Variants in PARP4 observed in about 807,000 individuals in gnomAD.
PARP4 encodes the protein poly(ADP-ribose) polymerase family member 4, also known as protein mono-ADP-ribosyltransferase PARP4.
In PARP4, 120 loss-of-function variants were observed where a neutral mutation model predicts 187.7. That is an observed-to-expected ratio of 0.64 (90% CI 0.55 to 0.74). The LOEUF (loss-of-function observed/expected upper bound fraction) is 0.74, where lower values mean the gene tolerates loss of function less well. Ranked by LOEUF, PARP4 falls within the 30% of genes least tolerant of loss-of-function variation. The pLI is 0.00. For missense variants in PARP4, 1,836 were observed against 2,070.5 expected (o/e 0.89, Z 2.20); for synonymous variants, 654 against 740.9 (o/e 0.88, Z 1.90).
At chr13:24,500,592 CAGG>C (rs1869220132) in intron 3 of PARP4, among the ~76,000 whole-genome samples, 1 of 152,156 alleles carries the variant, frequency 6.6e-6, no homozygotes, top group Admixed American at 6.5e-5. Flanking sequence ...ATAAGCATAT[CAGG>C]AGGATTCTCA....
At chr13:24,475,004 G>A (rs1194790179) in intron 15 of PARP4, among the ~76,000 whole-genome samples, 11 of 152,082 alleles carry the variant, frequency 7.2e-5, no homozygotes, top group African/African-American at 2.4e-4. Flanking sequence ...TGATGTTCCC[G>A]CTGCCTGGAA....
intron 1 of PARP4, among the ~76,000 whole-genome samples, chr13:24,507,529 AC>A (rs922765905): frequency 4.6e-5 from 7 of 151,750 alleles, no homozygotes; most frequent in African/African-American, 1.7e-4. Context: ...GACTCCCTGC[AC>A]CCCCATCTCC....
chr13:24,451,744 C>T (rs998228229), intron 24 of PARP4, among the ~76,000 whole-genome samples: 5 of 152,202 alleles, frequency 3.3e-5, no homozygotes, highest in African/African-American at 4.8e-5. Context: ...CACCAAGTGG[C>T]CCCCTCTGTT....
At chr13:24,449,040 T>G (rs550298469) in intron 25 of PARP4, among the ~76,000 whole-genome samples, 1 of 152,314 alleles carries the variant, frequency 6.6e-6, no homozygotes, top group African/African-American at 2.4e-5. Context: ...TTGAAGATGG[T>G]GATGGTTGCA....
Position 24,498,284 on chromosome 13 carries a change from G to C in PARP4, c.478-55C>G, listed in dbSNP as rs1276422563. 7.9e-6 allele frequency: 8 copies of C among 1,015,510 alleles called. No homozygotes were observed. In the South Asian group the frequency reaches 1.1e-4, roughly 14 times the overall value. The allele number at this position is 1,015,510 out of a possible 1,614,324, so 62.9% of individuals were successfully genotyped here. On this transcript the variant is annotated intron_variant, in intron 5 of 33. Coordinates refer to ENST00000381989, the MANE Select transcript of PARP4 (RefSeq NM_006437.4). Reference sequence around the variant, plus strand: ...GCACTCGGGAAACATCAAACTACATGTGCCATTTGAAAATGTTGATTATAA... The same window carrying C: ...GCACTCGGGAAACATCAAACTACATCTGCCATTTGAAAATGTTGATTATAA...
intron 1 of PARP4, among the ~76,000 whole-genome samples, chr13:24,507,817 A>G (rs1941382623): frequency 6.6e-6 from 1 of 152,206 alleles, no homozygotes; most frequent in Non-Finnish European, 1.5e-5. Context: ...GGAGGAAGAA[A>G]CCCACAGCTT....
intron 16 of PARP4, among the ~76,000 whole-genome samples, chr13:24,469,490 C>T (rs1008075372): frequency 8.6e-5 from 13 of 151,302 alleles, no homozygotes; most frequent in Non-Finnish European, 1.8e-4. Flanking sequence ...TGTTTCTTTT[C>T]TTTTTTTTTA....
At chr13:24,429,711 T>G (rs111754718) in intron 32 of PARP4, among the ~76,000 whole-genome samples, 1 of 152,208 alleles carries the variant, frequency 6.6e-6, no homozygotes, top group Non-Finnish European at 1.5e-5. Context: ...TCCCAGCTGT[T>G]GCTTTTTTCT....
At chr13:24,475,305 C>T (rs1038641137) in intron 15 of PARP4, among the ~76,000 whole-genome samples, 167 bp downstream of exon 15, 10 of 152,256 alleles carry the variant, frequency 6.6e-5, no homozygotes, top group Admixed American at 6.5e-5. Flanking sequence ...CTGCTGGATG[C>T]TCAGAGCCTA....
intron 29 of PARP4, among the ~76,000 whole-genome samples, chr13:24,442,249 CTTTTCTATTTTTTGAGGGTCTTGG>C (rs1870969838): frequency 6.6e-6 from 1 of 150,414 alleles, no homozygotes; most frequent in South Asian, 2.1e-4. Flanking sequence ...CCTTTTCGGC[CTTTTCTATTTTTTGAGGGTCTTGG>C]ATTAATAAAA....
At chr13:24,496,414 TC>T (rs1393770989) in intron 6 of PARP4, among the ~76,000 whole-genome samples, 1 of 152,162 alleles carries the variant, frequency 6.6e-6, no homozygotes, top group East Asian at 1.9e-4. Flanking sequence ...AATTGTGGCC[TC>T]TCATTGATAA....
intron 22 of PARP4, among the ~76,000 whole-genome samples, chr13:24,454,181 A>C (rs565140034): frequency 1.3e-5 from 2 of 152,346 alleles, no homozygotes; most frequent in African/African-American, 4.8e-5. Context: ...TACTATGCAA[A>C]ATGTTGAGTC....
chr13:24,427,686 C>T (rs1199551479), intron 32 of PARP4, among the ~76,000 whole-genome samples: 4 of 152,004 alleles, frequency 2.6e-5, no homozygotes, highest in Admixed American at 2.6e-4. Flanking sequence ...GTTGAGGTAG[C>T]CAAAACTGCT....
chr13:24,468,828 T>C (rs1354759194), intron 17 of PARP4, among the ~76,000 whole-genome samples, 196 bp downstream of exon 17: 1 of 152,230 alleles, frequency 6.6e-6, no homozygotes, highest in East Asian at 1.9e-4. Flanking sequence ...TGTCTGGAAC[T>C]ACTGATGCTG....
rs1349973052 is a variant in PARP4, at chr13:24,477,948, T to C, written c.1633-91A>G. ...GTTTTCATAAAAGCATGTTTGCTAA[T>C]TTAGAAAATGTTGAATTAATTCATG... On this transcript the variant is annotated intron_variant, in intron 13 of 33. Coordinates refer to ENST00000381989, the MANE Select transcript of PARP4 (RefSeq NM_006437.4). 3.5e-6 allele frequency: 4 copies of C among 1,148,506 alleles called. No homozygotes were observed. The African/African-American group carries it at 6.3e-5, about 18-fold the overall frequency. 71.1% of individuals were successfully genotyped at this position (1,148,506 alleles called of 1,614,324 possible).
rs1485321545 is a variant in PARP4 at position 24,484,747 on chromosome 13, C to A, written c.1354G>T (p.Gly452Trp). The change falls in exon 12 of 34, where the codon GGG becomes TGG. Residue 452 changes from glycine (G) to tryptophan (W), a missense_variant and splice_region_variant. Gly to Trp is a radical substitution (Grantham distance 184, BLOSUM62 -2). Coordinates refer to ENST00000381989, the MANE Select transcript of PARP4 (RefSeq NM_006437.4). ...TCCACTACTTTGGGTAAAAGCAACCCTCTGAAAAGAGAAGGGCAGGATAAG... is the reference window on the plus strand; with the variant it reads ...TCCACTACTTTGGGTAAAAGCAACCATCTGAAAAGAGAAGGGCAGGATAAG... ...VQNIVGILCR[G>W]LLLPKVVEDR... 6.4e-7 allele frequency: 1 copy of A among 1,573,090 alleles called. No individual in the cohort carries two copies. Among genetic ancestry groups the A allele is most frequent in the Admixed American group, 1.7e-5 (1 of 59,972 alleles).
Position 24,452,534 on chromosome 13 carries a change from T to TA in PARP4, c.2885dup (p.Leu962PhefsTer16). On this transcript the variant is annotated frameshift_variant, in exon 24 of 34. Coordinates refer to ENST00000381989, the MANE Select transcript of PARP4 (RefSeq NM_006437.4). LOFTEE classifies it high-confidence loss of function. The stretch of plus-strand genomic sequence containing the variant: ...TCCGTGACCCTCGAGCAGGGTACAA[T>TA]AAGCTAAGATATCGGAGTGTTTTCC... 6.2e-7 allele frequency: 1 copy of TA among 1,614,118 alleles called. No individual in the cohort carries two copies. Among genetic ancestry groups the TA allele is most frequent in the Non-Finnish European group, 8.5e-7 (1 of 1,179,988 alleles).
At chr13:24,466,188 A>C (rs555056139) in intron 17 of PARP4, among the ~76,000 whole-genome samples, 1 of 152,084 alleles carries the variant, frequency 6.6e-6, no homozygotes, top group African/African-American at 2.4e-5. Context: ...TCAAAACTTA[A>C]TTTTTTTATT....
rs1372002823 is a variant in PARP4 at position 24,432,300 on chromosome 13, G to A, written c.4747-824C>T. Reference sequence around the variant, plus strand: ...CCCTACTGGGTTGTCAACTAGCAATGAGCATTGAACCGGTATTTCTCAAGC... The same window carrying A: ...CCCTACTGGGTTGTCAACTAGCAATAAGCATTGAACCGGTATTTCTCAAGC... On this transcript the variant is annotated intron_variant, in intron 31 of 33. Transcript: ENST00000381989. Among the ~76,000 whole-genome samples the A allele has an allele frequency of 3.3e-5, 5 of 152,224 alleles. No homozygotes were observed. In the East Asian group the frequency reaches 9.6e-4, roughly 29 times the overall value.
Sources: allele counts gnomAD v4.1 joint callset (sites outside exome capture counted in the v4.1 genomes callset), GRCh38; gene constraint gnomAD v4.1.1; transcripts MANE v1.5; gene names NCBI Gene and HGNC (gene_info 2026-07-23, HGNC 2026-07-21).